Variants in SRRM4 observed in about 807,000 individuals in gnomAD.
SRRM4 encodes serine/arginine repetitive matrix protein 4.
A neutral mutation model predicts 68.9 loss-of-function variants in SRRM4; 33 were observed. The ratio of observed to expected loss-of-function variants is 0.48; its 90% CI spans 0.36 to 0.64. The LOEUF (loss-of-function observed/expected upper bound fraction) is 0.64, where lower values mean the gene tolerates loss of function less well. Ranked by LOEUF, SRRM4 falls within the 30% of genes least tolerant of loss-of-function variation. SRRM4 has a pLI of 0.00. For synonymous variants in SRRM4, 318 were observed against 318.8 expected, an observed-to-expected ratio of 1.00 and a Z score of 0.03; for missense variants, 817 against 827.1, an observed-to-expected ratio of 0.99 and a Z score of 0.15.
At chr12:119,113,027 A>G (rs1310327319) in intron 2 of SRRM4, among the ~76,000 whole-genome samples, 1 of 152,214 alleles carries the variant, frequency 6.6e-6, no homozygotes, top group African/African-American at 2.4e-5. Flanking sequence ...GCAAATTAGT[A>G]GAAAAGCTCA....
Position 119,103,334 on chromosome 12 carries a change from G to T in SRRM4, c.278+952G>T, listed in dbSNP as rs764650190. Among the ~76,000 whole-genome samples, 3 of 152,034 alleles carry T rather than the reference G, an allele frequency of 2.0e-5. No homozygotes were observed. The East Asian group carries it at 5.8e-4, about 29-fold the overall frequency. On this transcript the variant is annotated intron_variant, in intron 2 of 12. Transcript: ENST00000267260. ...AGGTAAACATGTGTCATAGGGATTT[G>T]TTGTATACATTATTTTATTACCCAA...
chr12:119,093,145 C>T (rs1289001182), intron 1 of SRRM4, among the ~76,000 whole-genome samples: 3 of 151,478 alleles, frequency 2.0e-5, no homozygotes, highest in Admixed American at 6.6e-5. Context: ...TTCCATCTCC[C>T]CCCTAGCACT....
intron 7 of SRRM4, among the ~76,000 whole-genome samples, chr12:119,127,595 G>T (rs1787532586): frequency 6.6e-6 from 1 of 152,040 alleles, no homozygotes; most frequent in Admixed American, 6.6e-5. Flanking sequence ...AGGTGTGGTG[G>T]TGGGCACCTG....
chr12:119,130,639 C>A, intron 7 of SRRM4, 39 bp from the exon 8 acceptor site: 5 of 1,588,112 alleles, frequency 3.1e-6, no homozygotes, highest in East Asian at 2.2e-5. Context: ...ACCATGCTCC[C>A]CTTCAAAAGA....
At chr12:119,066,588 C>G (rs1258521164) in intron 1 of SRRM4, among the ~76,000 whole-genome samples, 1 of 152,196 alleles carries the variant, frequency 6.6e-6, no homozygotes, top group Non-Finnish European at 1.5e-5. Flanking sequence ...AACAAGCCCT[C>G]TAGGCATTTC....
rs186568334 is a variant in SRRM4, at chr12:119,109,438, G to A, written c.279-4840G>A. Reference sequence around the variant, plus strand: ...TTTCCAACTTGGTTCCATTCTCCCCGTCACTTTCAGGTATACCAATCAGAC... The same window carrying A: ...TTTCCAACTTGGTTCCATTCTCCCCATCACTTTCAGGTATACCAATCAGAC... On this transcript the variant is annotated intron_variant, in intron 2 of 12. Coordinates refer to ENST00000267260, the MANE Select transcript of SRRM4 (RefSeq NM_194286.4). 8.5e-4 allele frequency among the ~76,000 whole-genome samples: 129 copies of A among 152,274 alleles called. No homozygotes were observed. The East Asian group carries it at 0.015, about 18-fold the overall frequency.
At chr12:119,027,545 G>A (rs763496686) in intron 1 of SRRM4, among the ~76,000 whole-genome samples, 8 of 151,586 alleles carry the variant, frequency 5.3e-5, no homozygotes, top group African/African-American at 1.9e-4. Flanking sequence ...TGCCTTTGCT[G>A]TATACCCTGC....
intron 1 of SRRM4, chr12:119,036,649 C>A (rs187433060): frequency 1.3e-5 from 2 of 152,364 alleles, no homozygotes; most frequent in Admixed American, 6.5e-5. Context: ...CTGAGGAGTT[C>A]TTGCTTGCCA....
At chr12:118,985,511 T>C (rs1387348850) in intron 1 of SRRM4, among the ~76,000 whole-genome samples, 3 of 152,186 alleles carry the variant, frequency 2.0e-5, no homozygotes, top group Non-Finnish European at 4.4e-5. Flanking sequence ...GTGTCATTAG[T>C]AATTACCTAG....
intron 4 of SRRM4, among the ~76,000 whole-genome samples, chr12:119,118,343 A>G (rs1954194588): frequency 6.6e-6 from 1 of 152,268 alleles, no homozygotes; most frequent in South Asian, 2.1e-4. Context: ...GCAATTAACA[A>G]CAGAATGAAT....
rs79166415 is a variant in SRRM4 at position 119,020,982 on chromosome 12, G to A, written c.131+38969G>A. Among the ~76,000 whole-genome samples the A allele has an allele frequency of 8.8e-3, 1,341 of 152,300 alleles. 25 individuals carry two copies. Among genetic ancestry groups the A allele is most frequent in the African/African-American group, 0.031 (1,277 of 41,550 alleles). Reference sequence around the variant, plus strand: ...CGGGAAAGTGATTCCTAGAGACGGTGGGGGGAGGCGCTGTGTTCTGCTGGT... The same window carrying A: ...CGGGAAAGTGATTCCTAGAGACGGTAGGGGGAGGCGCTGTGTTCTGCTGGT... On this transcript the variant is annotated intron_variant, in intron 1 of 12. Transcript: ENST00000267260.
At chr12:119,070,067 G>T (rs1371698703) in intron 1 of SRRM4, among the ~76,000 whole-genome samples, 1 of 152,096 alleles carries the variant, frequency 6.6e-6, no homozygotes, top group African/African-American at 2.4e-5. Flanking sequence ...CAGGTCCCTT[G>T]CTTCCAATCT....
intron 1 of SRRM4, among the ~76,000 whole-genome samples, chr12:119,050,845 A>G (rs1039068529): frequency 5.9e-5 from 9 of 152,080 alleles, no homozygotes; most frequent in African/African-American, 2.2e-4. Context: ...TTATTATTAA[A>G]TGTACTATTT....
intron 6 of SRRM4, among the ~76,000 whole-genome samples, chr12:119,123,916 G>A (rs1954240208): frequency 6.6e-6 from 1 of 152,124 alleles, no homozygotes; most frequent in African/African-American, 2.4e-5. Context: ...ACGAAACCCT[G>A]GGCATTGTGG....
chr12:119,098,939 C>T (rs1169884837), intron 1 of SRRM4, among the ~76,000 whole-genome samples: 2 of 152,132 alleles, frequency 1.3e-5, no homozygotes, highest in East Asian at 3.9e-4. Context: ...CATCTCTGCC[C>T]TTTTCTCCCT....
chr12:119,133,539 G>A (rs1346461012), intron 8 of SRRM4, among the ~76,000 whole-genome samples: 2 of 152,204 alleles, frequency 1.3e-5, no homozygotes, highest in Non-Finnish European at 2.9e-5. Context: ...GCTCCTGGAA[G>A]AATCACATGG....
intron 8 of SRRM4, among the ~76,000 whole-genome samples, chr12:119,141,653 G>C (rs1180503605): frequency 2.0e-5 from 3 of 152,166 alleles, no homozygotes; most frequent in Non-Finnish European, 4.4e-5. Context: ...AAGGACCGGA[G>C]AGCAAACTTG....
chr12:119,147,263 A>G (rs941440825), intron 9 of SRRM4, among the ~76,000 whole-genome samples: 1 of 152,212 alleles, frequency 6.6e-6, no homozygotes, highest in Admixed American at 6.5e-5. Context: ...GAAAAGGCAA[A>G]ACTATGGAGA....
At chr12:119,005,024 T>A (rs970277629) in intron 1 of SRRM4, among the ~76,000 whole-genome samples, 3 of 152,200 alleles carry the variant, frequency 2.0e-5, no homozygotes, top group African/African-American at 7.2e-5. Context: ...GGCTTCAGAT[T>A]TCGGTGTTTC....
Sources: gnomAD v4.1 joint callset for allele counts (sites outside exome capture counted in the v4.1 genomes callset) on GRCh38, gnomAD v4.1.1 for gene constraint, MANE v1.5 for transcripts, NCBI Gene and HGNC (gene_info 2026-07-23, HGNC 2026-07-21) for gene names.